GCFC2: variants seen among roughly 807,000 people sequenced by gnomAD.
The protein encoded by GCFC2 is intron Large complex component GCFC2.
Under a neutral mutation model 99.4 loss-of-function variants are expected in GCFC2, and 102 were observed. The ratio of observed to expected loss-of-function variants is 1.03; its 90% CI spans 0.87 to 1.21. GCFC2 has a LOEUF of 1.21. Ranked by LOEUF, GCFC2 falls within the 50% of genes most tolerant of loss-of-function variation. The pLI is 0.00. For missense variants in GCFC2, 973 were observed against 920.9 expected (o/e 1.06, Z -0.73); for synonymous variants, 338 against 316.8 (o/e 1.07, Z -0.71).
intron 11 of GCFC2, among the ~76,000 whole-genome samples, chr2:75,687,447 G>GT (rs937588220): frequency 2.0e-5 from 3 of 152,122 alleles, no homozygotes; most frequent in Admixed American, 6.6e-5. Context: ...CAGAGATACT[G>GT]TAGCACTTGG....
At chr2:75,684,606 G>T (rs940320428) in intron 11 of GCFC2, among the ~76,000 whole-genome samples, 18 of 152,312 alleles carry the variant, frequency 1.2e-4, no homozygotes, top group Non-Finnish European at 7.3e-5. Flanking sequence ...CACTGTTGGT[G>T]GGACTGTAAA....
intron 1 of GCFC2, chr2:75,710,371 T>C (rs1274223562): frequency 8.9e-7 from 1 of 1,129,372 alleles, no homozygotes; most frequent in East Asian, 3.2e-5. Context: ...ACGATTGTTT[T>C]ATTTCCCCCA....
rs1018939134 is a variant in GCFC2, at chr2:75,678,194, T to C, written c.1812+1999A>G. 1.3e-5 allele frequency among the ~76,000 whole-genome samples: 2 copies of C among 152,164 alleles called. 1 individual carries two copies. The highest frequency in any genetic ancestry group is 4.1e-4 in the South Asian group (2 of 4,828). On this transcript the variant is annotated intron_variant, in intron 12 of 16. Coordinates refer to ENST00000321027, the MANE Select transcript of GCFC2 (RefSeq NM_003203.5). Reference sequence around the variant, plus strand: ...CAATGTGAAAGTATTTAACAAATGGTAAAGCATAATGATTTACATTTAGGT... The same window carrying C: ...CAATGTGAAAGTATTTAACAAATGGCAAAGCATAATGATTTACATTTAGGT...
chr2:75,668,168 A>C (rs1014278334), intron 15 of GCFC2, among the ~76,000 whole-genome samples: 3 of 152,206 alleles, frequency 2.0e-5, no homozygotes, highest in Non-Finnish European at 2.9e-5. Context: ...GCATTCTTAC[A>C]CATACTCTTT....
chr2:75,679,555 T>G (rs1395760012), intron 12 of GCFC2, among the ~76,000 whole-genome samples: 1 of 152,220 alleles, frequency 6.6e-6, no homozygotes, highest in African/African-American at 2.4e-5. Flanking sequence ...TTAAGATCTG[T>G]TTTACTGAAC....
chr2:75,670,263 AAAG>A lies in GCFC2; in HGVS notation c.1975_1977del (p.Leu659del). Reference sequence around the variant, plus strand: ...GTGTCATCTGTAAGGAGTCCATTCCAAAGAAGAATATTGCGGAAGAGCTAAAAT... The same window carrying A: ...GTGTCATCTGTAAGGAGTCCATTCCAAAGAATATTGCGGAAGAGCTAAAAT... On this transcript the variant is annotated inframe_deletion, in exon 15 of 17. Transcript: ENST00000321027. 2 of 1,605,662 alleles carry A rather than the reference AAAG, an allele frequency of 1.2e-6. No homozygotes were observed. The highest frequency in any genetic ancestry group is 1.3e-5 in the African/African-American group (1 of 74,870).
chr2:75,706,275 T>C (rs115832674), intron 2 of GCFC2, among the ~76,000 whole-genome samples: 3 of 152,306 alleles, frequency 2.0e-5, no homozygotes, highest in African/African-American at 7.2e-5. Flanking sequence ...TCACCCAGTA[T>C]AGCACAGTGA....
chr2:75,701,198 T>C lies in GCFC2; in HGVS notation c.709A>G (p.Ile237Val). The C allele has an allele frequency of 6.4e-7, 1 of 1,552,990 alleles. No homozygotes were observed. Among genetic ancestry groups the C allele is most frequent in the Admixed American group, 1.7e-5 (1 of 59,846 alleles). ...EQQQMRKAVK[I>V]IEERDIDLSC... ...GGATAAAAAATGATTACCTCTATGA[T>C]TTTAACTGCTTTCCTCATTTGCTGT... The change falls in exon 4 of 17, where the codon ATC (isoleucine) becomes GTC (valine). Residue 237 changes from isoleucine to valine, a missense_variant. Coordinates refer to ENST00000321027, the MANE Select transcript of GCFC2 (RefSeq NM_003203.5).
chr2:75,667,694 T>C (rs1431685209), intron 15 of GCFC2, among the ~76,000 whole-genome samples: 1 of 152,220 alleles, frequency 6.6e-6, no homozygotes. Flanking sequence ...CATTTAACCA[T>C]GTAGCTTTTG....
chr2:75,676,368 T>C (rs537249937), intron 12 of GCFC2, among the ~76,000 whole-genome samples: 1 of 152,286 alleles, frequency 6.6e-6, no homozygotes, highest in East Asian at 1.9e-4. Flanking sequence ...TCCCACAGCT[T>C]CCACTCCTTG....
chr2:75,676,860 T>C (rs1679366210), intron 12 of GCFC2, among the ~76,000 whole-genome samples: 2 of 152,244 alleles, frequency 1.3e-5, no homozygotes, highest in African/African-American at 4.8e-5. Flanking sequence ...ATTCTAATTC[T>C]ACCATCCACA....
chr2:75,664,589 G>C lies in GCFC2; in HGVS notation c.*77C>G. 1.4e-6 allele frequency: 1 copy of C among 693,322 alleles called. No individual in the cohort carries two copies. The allele number at this position is 693,322 out of a possible 1,614,324, so 42.9% of individuals were successfully genotyped here. ...TCTATTACAGGGAATAAAGAAGAGAGAGGCACCAGCTTCTTCTCAAACAAA... is the reference window on the plus strand; with the variant it reads ...TCTATTACAGGGAATAAAGAAGAGACAGGCACCAGCTTCTTCTCAAACAAA... On this transcript the variant is annotated 3_prime_UTR_variant, in exon 17 of 17. Coordinates refer to ENST00000321027, the MANE Select transcript of GCFC2 (RefSeq NM_003203.5).
rs563356789 is a variant in GCFC2, at chr2:75,687,726, T to A, written c.1690+101A>T. The A allele has an allele frequency of 5.4e-5, 50 of 920,000 alleles. 1 individual carries two copies. Among genetic ancestry groups the A allele is most frequent in the Non-Finnish European group, 7.7e-5 (45 of 586,216 alleles). 57.0% of individuals were successfully genotyped at this position (920,000 alleles called of 1,614,324 possible). On this transcript the variant is annotated intron_variant, in intron 11 of 16. Transcript: ENST00000321027. ...TACTACATATAACATTTCCTTGAGA[T>A]TAAAAACTTATGAAAAAACTTTGTG...
At chr2:75,697,762 T>C (rs1268727322) in intron 4 of GCFC2, 1 of 152,236 alleles carries the variant, frequency 6.6e-6, no homozygotes, top group East Asian at 1.9e-4. Context: ...TACAATTACA[T>C]GTACCATCCT....
intron 4 of GCFC2, among the ~76,000 whole-genome samples, chr2:75,700,749 A>G (rs1472455326): frequency 6.6e-6 from 1 of 152,220 alleles, no homozygotes; most frequent in Non-Finnish European, 1.5e-5. Context: ...GGCCTCCCAA[A>G]AGATACATCC....
Position 75,666,034 on chromosome 2 carries a change from T to G in GCFC2, c.2123A>C (p.Glu708Ala). Residue 708 changes from glutamate (E) to alanine (A), a missense_variant, in exon 16 of 17, where the codon GAA (glutamate) becomes GCA (alanine). Coordinates refer to ENST00000321027, the MANE Select transcript of GCFC2 (RefSeq NM_003203.5). ...KCNQVAACLP[E>A]KWFENSAMRT... ...CATGGCAGAATTTTCAAACCATTTTTCTGGTAGACATGCTGCTACCTGTTA... is the reference window on the plus strand; with the variant it reads ...CATGGCAGAATTTTCAAACCATTTTGCTGGTAGACATGCTGCTACCTGTTA... The G allele has an allele frequency of 1.2e-6, 2 of 1,607,318 alleles. No homozygotes were observed. The highest frequency in any genetic ancestry group is 1.7e-6 in the Non-Finnish European group (2 of 1,176,526).
intron 11 of GCFC2, among the ~76,000 whole-genome samples, chr2:75,681,302 T>C (rs1679565556): frequency 6.6e-6 from 1 of 152,098 alleles, no homozygotes; most frequent in Non-Finnish European, 1.5e-5. Flanking sequence ...AGGTTGGGTG[T>C]TGCCTCACCT....
In GCFC2 at chr2:75,663,943, C is replaced by A. The variant is rs1023778189; in HGVS notation, c.*723G>T. ...ACAAGCATGGGCAAAAAATCAATAT[C>A]TTTAAAAATATAAAGGTCTTAAAGT... On this transcript the variant is annotated 3_prime_UTR_variant, in exon 17 of 17. Coordinates refer to ENST00000321027, the MANE Select transcript of GCFC2 (RefSeq NM_003203.5). The A allele has an allele frequency of 6.6e-5, 10 of 151,816 alleles. No individual in the cohort carries two copies. Among genetic ancestry groups the A allele is most frequent in the African/African-American group, 2.4e-4 (10 of 41,344 alleles). 9.4% of individuals were successfully genotyped at this position (151,816 alleles called of 1,614,324 possible). A position where few individuals can be genotyped will look rare whatever the true frequency, so the allele number is the denominator to read the frequency against.
At chr2:75,706,122 C>T (rs1052345538) in intron 2 of GCFC2, among the ~76,000 whole-genome samples, 3 of 152,156 alleles carry the variant, frequency 2.0e-5, no homozygotes, top group Non-Finnish European at 2.9e-5. Context: ...TCCTTAAACT[C>T]GCAACCAAAT....
Sources: gnomAD v4.1 joint callset for allele counts (sites outside exome capture counted in the v4.1 genomes callset) on GRCh38, gnomAD v4.1.1 for gene constraint, MANE v1.5 for transcripts, NCBI Gene and HGNC (gene_info 2026-07-23, HGNC 2026-07-21) for gene names.